SLC4A10: variants seen among roughly 807,000 people sequenced by gnomAD.
SLC4A10 encodes the protein sodium-driven chloride bicarbonate exchanger.
SLC4A10 carries 42 observed loss-of-function variants against 137.7 expected under a neutral mutation model. That is an observed-to-expected ratio of 0.30 (90% CI 0.24 to 0.39). The LOEUF is 0.39. Ranked by LOEUF, SLC4A10 falls within the 10% of genes least tolerant of loss-of-function variation. The pLI, the probability that SLC4A10 is intolerant of heterozygous loss-of-function variation, is 1.00. For missense variants in SLC4A10, 925 were observed against 1,355.0 expected (o/e 0.68, Z 4.98); for synonymous variants, 474 against 464.1 (o/e 1.02, Z -0.27).
chr2:161,696,942 T>C (rs1352175596), intron 1 of SLC4A10, among the ~76,000 whole-genome samples: 1 of 152,160 alleles, frequency 6.6e-6, no homozygotes, highest in East Asian at 1.9e-4. Context: ...AGTGTTCCTA[T>C]TTCTCCACAT....
chr2:161,916,905 T>C (rs1687222273), intron 15 of SLC4A10, among the ~76,000 whole-genome samples: 1 of 152,226 alleles, frequency 6.6e-6, no homozygotes, highest in Admixed American at 6.5e-5. Context: ...GTAAAAATTA[T>C]TGAAGGATCA....
intron 16 of SLC4A10, among the ~76,000 whole-genome samples, chr2:161,946,713 C>T (rs1317263499): frequency 6.6e-6 from 1 of 151,842 alleles, no homozygotes; most frequent in African/African-American, 2.4e-5. Flanking sequence ...ATTTTTTTGA[C>T]TTTGCTGCCA....
At chr2:161,845,298 G>C (rs2059422820) in intron 4 of SLC4A10, among the ~76,000 whole-genome samples, 1 of 152,034 alleles carries the variant, frequency 6.6e-6, no homozygotes, top group Non-Finnish European at 1.5e-5. Context: ...ATCTCTTAAA[G>C]AATTGGCATC....
intron 2 of SLC4A10, among the ~76,000 whole-genome samples, chr2:161,794,679 C>G (rs1212216659): frequency 6.6e-6 from 1 of 152,124 alleles, no homozygotes; most frequent in Non-Finnish European, 1.5e-5. Flanking sequence ...TCTCTATGTT[C>G]ACACGAGGCA....
chr2:161,961,547 CTTTT>C (rs34418446), intron 21 of SLC4A10, among the ~76,000 whole-genome samples: 1 of 137,442 alleles, frequency 7.3e-6, no homozygotes, highest in Admixed American at 7.3e-5. Flanking sequence ...TTCTTTTTCC[CTTTT>C]TTTTTTTTTT....
At chr2:161,729,617 A>AT (rs56695198) in intron 1 of SLC4A10, among the ~76,000 whole-genome samples, 15,486 of 151,686 alleles carry the variant, frequency 0.1, 798 homozygotes, top group East Asian at 0.15. Flanking sequence ...AATAAAGCGA[A>AT]TTTTTTTTTC....
At chr2:161,775,611 C>A (rs1274651896) in intron 2 of SLC4A10, among the ~76,000 whole-genome samples, 5 of 151,778 alleles carry the variant, frequency 3.3e-5, no homozygotes, top group Non-Finnish European at 7.4e-5. Flanking sequence ...CTATACTGAG[C>A]CTTAAACTCC....
chr2:161,766,416 G>A (rs979763340), intron 1 of SLC4A10, among the ~76,000 whole-genome samples: 31 of 152,066 alleles, frequency 2.0e-4, no homozygotes, highest in Middle Eastern at 3.4e-3. Flanking sequence ...AAAATTAAAC[G>A]TTTCACTGCT....
chr2:161,749,406 C>T (rs1280137737), intron 1 of SLC4A10, among the ~76,000 whole-genome samples: 1 of 151,810 alleles, frequency 6.6e-6, no homozygotes, highest in Admixed American at 6.6e-5. Context: ...TAATTGTGGA[C>T]TTTTCATAAA....
intron 11 of SLC4A10, among the ~76,000 whole-genome samples, chr2:161,895,161 G>A (rs752922660): frequency 4.0e-5 from 6 of 150,274 alleles, no homozygotes; most frequent in Non-Finnish European, 7.4e-5. Context: ...AGAACATGTG[G>A]TGTTTGGTTT....
intron 2 of SLC4A10, among the ~76,000 whole-genome samples, chr2:161,781,581 A>G (rs1262190482): frequency 6.6e-6 from 1 of 152,082 alleles, no homozygotes; most frequent in Non-Finnish European, 1.5e-5. Flanking sequence ...ATGTGCCAAG[A>G]GTAAACAAAC....
chr2:161,869,265 G>A (rs531273860), intron 6 of SLC4A10, among the ~76,000 whole-genome samples: 1 of 151,638 alleles, frequency 6.6e-6, no homozygotes, highest in African/African-American at 2.4e-5. Flanking sequence ...AATAAGAGAT[G>A]CCCTTCCAAA....
At chr2:161,664,626 C>T (rs1214843624) in intron 1 of SLC4A10, among the ~76,000 whole-genome samples, 2 of 151,434 alleles carry the variant, frequency 1.3e-5, no homozygotes, top group Non-Finnish European at 1.5e-5. Flanking sequence ...TTTAAAACTG[C>T]TGTGAGAGGA....
intron 6 of SLC4A10, among the ~76,000 whole-genome samples, chr2:161,867,809 T>C (rs1435680792): frequency 6.6e-6 from 1 of 152,022 alleles, no homozygotes; most frequent in African/African-American, 2.4e-5. Context: ...GTTACACATG[T>C]ATGTAACTTT....
intron 9 of SLC4A10, among the ~76,000 whole-genome samples, chr2:161,881,774 A>G (rs1429856602): frequency 6.6e-6 from 1 of 152,060 alleles, no homozygotes; most frequent in African/African-American, 2.4e-5. Flanking sequence ...ATGGAATATT[A>G]TAGTGCAGAT....
chr2:161,625,171 T>C (rs2032051149), intron 1 of SLC4A10, among the ~76,000 whole-genome samples: 1 of 151,716 alleles, frequency 6.6e-6, no homozygotes, highest in Non-Finnish European at 1.5e-5. Flanking sequence ...GGTATGCATT[T>C]TTGGGGGACA....
intron 1 of SLC4A10, among the ~76,000 whole-genome samples, chr2:161,684,865 G>A (rs988892831): frequency 1.3e-5 from 2 of 152,068 alleles, no homozygotes; most frequent in East Asian, 3.9e-4. Flanking sequence ...CTCACTCAGG[G>A]GACTGAAGGT....
At chr2:161,842,108 A>G (rs1225690794) in intron 4 of SLC4A10, among the ~76,000 whole-genome samples, 1 of 152,106 alleles carries the variant, frequency 6.6e-6, no homozygotes, top group Non-Finnish European at 1.5e-5. Context: ...CATTTAGGTT[A>G]TTTATTTTTT....
chr2:161,728,207 T>A (rs1338951901), intron 1 of SLC4A10, among the ~76,000 whole-genome samples: 1 of 152,120 alleles, frequency 6.6e-6, no homozygotes, highest in East Asian at 1.9e-4. Context: ...TCACCCCAAA[T>A]GAAATAAATT....
Sources: allele counts gnomAD v4.1 joint callset (sites outside exome capture counted in the v4.1 genomes callset), GRCh38; gene constraint gnomAD v4.1.1; transcripts MANE v1.5; gene names NCBI Gene and HGNC (gene_info 2026-07-23, HGNC 2026-07-21).